The following ANO10 variants were observed in gnomAD, a reference collection of about 807,000 sequenced individuals.
ANO10 encodes anoctamin 10.
A neutral mutation model predicts 74.7 loss-of-function variants in ANO10; 77 were observed. The observed-to-expected ratio is 1.03, with a 90% confidence interval of 0.86 to 1.25. ANO10 has a LOEUF of 1.25. Among genes scored for constraint, ANO10 ranks in the 50% most tolerant of loss-of-function variants. The pLI is 0.00. For synonymous variants in ANO10, 279 were observed against 284.9 expected, an observed-to-expected ratio of 0.98 and a Z score of 0.21; for missense variants, 721 against 778.1, an observed-to-expected ratio of 0.93 and a Z score of 0.87.
At chr3:43,568,022 G>A (rs566996900) in intron 7 of ANO10, among the ~76,000 whole-genome samples, 48 of 151,708 alleles carry the variant, frequency 3.2e-4, no homozygotes, top group African/African-American at 1.0e-3. Context: ...AAAAAAGGCA[G>A]GGGTTGCAAT....
chr3:43,410,133 C>T (rs551907674), intron 12 of ANO10, among the ~76,000 whole-genome samples: 14 of 151,628 alleles, frequency 9.2e-5, no homozygotes, highest in Non-Finnish European at 1.9e-4. Flanking sequence ...CGAAATCTTC[C>T]GTATTTAACA....
intron 12 of ANO10, among the ~76,000 whole-genome samples, chr3:43,383,680 T>C (rs1417608231): frequency 6.6e-6 from 1 of 152,110 alleles, no homozygotes; most frequent in Non-Finnish European, 1.5e-5. Context: ...AAAAATCACA[T>C]GATCATCTCA....
At chr3:43,378,658 T>C (rs2125690765) in intron 12 of ANO10, among the ~76,000 whole-genome samples, 1 of 152,332 alleles carries the variant, frequency 6.6e-6, no homozygotes, top group Admixed American at 6.5e-5. Context: ...GATTACCATG[T>C]ACCCTTCCCC....
intron 11 of ANO10, among the ~76,000 whole-genome samples, chr3:43,465,634 C>T (rs964888035): frequency 6.6e-6 from 1 of 152,004 alleles, no homozygotes; most frequent in African/African-American, 2.4e-5. Context: ...GCCTGGACAA[C>T]AGGGTGAGAC....
At chr3:43,601,747 C>T (rs535924915) in intron 2 of ANO10, among the ~76,000 whole-genome samples, 2 of 152,278 alleles carry the variant, frequency 1.3e-5, no homozygotes, top group East Asian at 1.9e-4. Context: ...CTTAACCTCA[C>T]TCATATTAAG....
intron 1 of ANO10, among the ~76,000 whole-genome samples, chr3:43,610,232 G>A (rs879364344): frequency 1.9e-4 from 29 of 152,108 alleles, no homozygotes; most frequent in Non-Finnish European, 3.5e-4. Context: ...CCACCTCCAC[G>A]TCTTGTCTCA....
At chr3:43,387,331 A>C (rs1002424882) in intron 12 of ANO10, among the ~76,000 whole-genome samples, 18 of 152,214 alleles carry the variant, frequency 1.2e-4, no homozygotes, top group African/African-American at 4.3e-4. Flanking sequence ...CTTGGTGTCC[A>C]GCTTTAAAGT....
At chr3:43,519,778 G>A (rs917653777) in intron 11 of ANO10, among the ~76,000 whole-genome samples, 2 of 152,104 alleles carry the variant, frequency 1.3e-5, no homozygotes, top group East Asian at 3.9e-4. Flanking sequence ...AGATCACGGG[G>A]CATATTTTTT....
chr3:43,582,737 T>C lies in ANO10; in HGVS notation c.473-2265A>G, dbSNP rs76278068. Reference sequence around the variant, plus strand: ...GTGATAAAATTCTCCTTCATGATTGTAAAAAAGTATATACTCAAAGTATCA... The same window carrying C: ...GTGATAAAATTCTCCTTCATGATTGCAAAAAAGTATATACTCAAAGTATCA... On this transcript the variant is annotated intron_variant, in intron 4 of 12. Transcript: ENST00000292246. 1.2e-3 allele frequency among the ~76,000 whole-genome samples: 188 copies of C among 152,348 alleles called. 1 individual carries two copies. The highest frequency in any genetic ancestry group is 0.012 in the East Asian group (60 of 5,184).
chr3:43,452,153 T>C (rs1462134521), intron 11 of ANO10, among the ~76,000 whole-genome samples: 1 of 152,234 alleles, frequency 6.6e-6, no homozygotes, highest in African/African-American at 2.4e-5. Context: ...GGCTTGTAAA[T>C]GTATTCTTGT....
chr3:43,561,430 T>C, intron 8 of ANO10, 28 bp from the exon 9 acceptor site: 1 of 1,600,134 alleles, frequency 6.2e-7, no homozygotes, highest in Non-Finnish European at 8.6e-7. Context: ...AATCACATTT[T>C]GGGAATACAG....
chr3:43,618,691 T>C (rs1024069001), intron 1 of ANO10, among the ~76,000 whole-genome samples: 1 of 152,196 alleles, frequency 6.6e-6, no homozygotes, highest in Non-Finnish European at 1.5e-5. Flanking sequence ...CATAGACTAA[T>C]AAAAGAGATA....
chr3:43,598,185 G>A (rs1304256400), intron 4 of ANO10, among the ~76,000 whole-genome samples: 1 of 152,038 alleles, frequency 6.6e-6, no homozygotes, highest in Non-Finnish European at 1.5e-5. Flanking sequence ...AGTGCTCCAG[G>A]AAAACACCAT....
At chr3:43,465,925 C>A (rs1377609508) in intron 11 of ANO10, among the ~76,000 whole-genome samples, 1 of 152,142 alleles carries the variant, frequency 6.6e-6, no homozygotes, top group Non-Finnish European at 1.5e-5. Flanking sequence ...TTCTCCAAAT[C>A]AATCTAATGA....
At chr3:43,647,065 T>C (rs951128358) in intron 1 of ANO10, among the ~76,000 whole-genome samples, 2 of 152,138 alleles carry the variant, frequency 1.3e-5, no homozygotes, top group Middle Eastern at 3.4e-3. Context: ...TGGAGTATGA[T>C]TCCTTTGATT....
intron 11 of ANO10, among the ~76,000 whole-genome samples, chr3:43,444,748 G>A (rs1432531220): frequency 6.6e-6 from 1 of 152,142 alleles, no homozygotes; most frequent in Non-Finnish European, 1.5e-5. Flanking sequence ...GTCATGGCGA[G>A]GACGGCAGGG....
chr3:43,565,973 T>C (rs2080306036), intron 7 of ANO10, among the ~76,000 whole-genome samples: 1 of 152,052 alleles, frequency 6.6e-6, no homozygotes, highest in Non-Finnish European at 1.5e-5. Flanking sequence ...GGTCAGTGGG[T>C]GCGCGCACCG....
intron 1 of ANO10, among the ~76,000 whole-genome samples, chr3:43,610,649 A>G (rs2082773359): frequency 6.6e-6 from 1 of 152,208 alleles, no homozygotes; most frequent in Admixed American, 6.5e-5. Flanking sequence ...CCAAAATGTC[A>G]TTATCCAATA....
intron 1 of ANO10, among the ~76,000 whole-genome samples, chr3:43,643,775 C>T (rs542122077): frequency 6.6e-6 from 1 of 150,442 alleles, no homozygotes; most frequent in African/African-American, 2.5e-5. Context: ...GCTCTGCCTC[C>T]TGGGTTCACA....
Sources: gnomAD v4.1 joint callset for allele counts (sites outside exome capture counted in the v4.1 genomes callset) on GRCh38, gnomAD v4.1.1 for gene constraint, MANE v1.5 for transcripts, NCBI Gene and HGNC (gene_info 2026-07-23, HGNC 2026-07-21) for gene names.